Variants in EPHA6 observed in about 807,000 individuals in gnomAD.
EPHA6 encodes EPH receptor A6.
Under a neutral mutation model 112.0 loss-of-function variants are expected in EPHA6, and 50 were observed. That is an observed-to-expected ratio of 0.45 (90% CI 0.36 to 0.56). EPHA6 has a LOEUF of 0.56. Ranked by LOEUF, EPHA6 falls within the 20% of genes least tolerant of loss-of-function variation. The pLI, the probability that EPHA6 is intolerant of heterozygous loss-of-function variation, is 0.00. For synonymous variants in EPHA6, 529 were observed against 490.7 expected, an observed-to-expected ratio of 1.08 and a Z score of -1.03; for missense variants, 1,280 against 1,417.4, an observed-to-expected ratio of 0.90 and a Z score of 1.56.
At chr3:96,930,821 A>G (rs1219802251) in intron 2 of EPHA6, among the ~76,000 whole-genome samples, 3 of 151,824 alleles carry the variant, frequency 2.0e-5, no homozygotes, top group Admixed American at 1.3e-4. Flanking sequence ...GTGAAAACCC[A>G]TCTCTACTAA....
intron 11 of EPHA6, among the ~76,000 whole-genome samples, chr3:97,545,322 A>G (rs577485975): frequency 5.3e-4 from 81 of 151,926 alleles, no homozygotes; most frequent in African/African-American, 1.9e-3. Flanking sequence ...TTCATTATTT[A>G]CCCAGTAGGT....
intron 1 of EPHA6, among the ~76,000 whole-genome samples, chr3:96,833,077 G>A (rs112373641): frequency 6.6e-6 from 1 of 151,296 alleles, no homozygotes; most frequent in African/African-American, 2.4e-5. Context: ...CTCAAAATTC[G>A]TATGTTGAAG....
chr3:97,185,315 G>A (rs377498976), intron 3 of EPHA6, among the ~76,000 whole-genome samples: 24 of 152,018 alleles, frequency 1.6e-4, no homozygotes, highest in Middle Eastern at 3.4e-3. Flanking sequence ...CAATGTACTC[G>A]TCTGACAAAG....
intron 5 of EPHA6, among the ~76,000 whole-genome samples, chr3:97,289,528 G>A (rs2108682527): frequency 6.6e-6 from 1 of 152,176 alleles, no homozygotes; most frequent in Non-Finnish European, 1.5e-5. Context: ...TTCTGGCTTT[G>A]TTCTTTTTGC....
At chr3:97,230,528 G>A (rs2078492829) in intron 4 of EPHA6, among the ~76,000 whole-genome samples, 1 of 152,098 alleles carries the variant, frequency 6.6e-6, no homozygotes, top group Non-Finnish European at 1.5e-5. Flanking sequence ...ATTCTGTCAT[G>A]GCTGGGCAGA....
chr3:97,555,393 T>A (rs888238438), intron 11 of EPHA6, among the ~76,000 whole-genome samples: 43 of 152,084 alleles, frequency 2.8e-4, no homozygotes, highest in Non-Finnish European at 5.9e-4. Flanking sequence ...TAAACATACG[T>A]GTGCATGTGT....
At chr3:97,534,710 A>T (rs1276525266) in intron 11 of EPHA6, among the ~76,000 whole-genome samples, 1 of 152,090 alleles carries the variant, frequency 6.6e-6, no homozygotes, top group Non-Finnish European at 1.5e-5. Flanking sequence ...GAGAGACAGA[A>T]GAAATAGATG....
intron 2 of EPHA6, among the ~76,000 whole-genome samples, chr3:96,950,866 T>G (rs1384140352): frequency 6.6e-6 from 1 of 152,114 alleles, no homozygotes; most frequent in African/African-American, 2.4e-5. Flanking sequence ...AACATTTAAA[T>G]GTTTTTTATT....
At chr3:96,913,921 A>G (rs1462154943) in intron 2 of EPHA6, among the ~76,000 whole-genome samples, 3 of 152,170 alleles carry the variant, frequency 2.0e-5, no homozygotes, top group African/African-American at 4.8e-5. Context: ...AACCTAAGGA[A>G]GATAAGTGAT....
At chr3:96,866,159 G>A (rs2036298295) in intron 1 of EPHA6, among the ~76,000 whole-genome samples, 1 of 152,072 alleles carries the variant, frequency 6.6e-6, no homozygotes, top group African/African-American at 2.4e-5. Context: ...TTGCTAAGAT[G>A]TTAATATAAT....
intron 14 of EPHA6, among the ~76,000 whole-genome samples, chr3:97,698,805 G>C (rs553531282): frequency 2.6e-5 from 4 of 152,264 alleles, no homozygotes; most frequent in Admixed American, 2.6e-4. Context: ...TTAACCATAA[G>C]TAAACTGAGT....
intron 3 of EPHA6, among the ~76,000 whole-genome samples, chr3:97,166,817 C>A (rs2076553609): frequency 6.6e-6 from 1 of 152,082 alleles, no homozygotes; most frequent in African/African-American, 2.4e-5. Flanking sequence ...TGCCATACTT[C>A]TAGGCTAAAG....
intron 13 of EPHA6, among the ~76,000 whole-genome samples, chr3:97,630,866 T>C (rs2093897018): frequency 6.6e-6 from 1 of 152,034 alleles, no homozygotes; most frequent in Non-Finnish European, 1.5e-5. Flanking sequence ...AAAACTTTTA[T>C]TGTGACAAAT....
At chr3:97,738,007 A>C (rs1341310172) in intron 16 of EPHA6, among the ~76,000 whole-genome samples, 1 of 152,112 alleles carries the variant, frequency 6.6e-6, no homozygotes, top group Non-Finnish European at 1.5e-5. Context: ...GTAAAATAAA[A>C]CATGAAATGT....
Position 96,987,887 on chromosome 3 carries a change from G to C in EPHA6, c.1008G>C (p.Glu336Asp), listed in dbSNP as rs776547293. The C allele has an allele frequency of 6.2e-7, 1 of 1,613,766 alleles. No homozygotes were observed. Among genetic ancestry groups the C allele is most frequent in the African/African-American group, 1.3e-5 (1 of 74,888 alleles). ...GTTCTTGTGTGAAGAGTGCTGAAGA[G>C]CGTGACACTCCTAAACTGTATTGTG... Reference protein sequence around the residue: ...VRGSCVKSAEERDTPKLYCGA... With the variant: ...VRGSCVKSAEDRDTPKLYCGA... The change falls in exon 3 of 18, where the codon GAG becomes GAC. Residue 336 changes from glutamate (E) to aspartate (D), a missense_variant. Glu to Asp is a conservative substitution (Grantham distance 45). Coordinates refer to ENST00000389672, the MANE Select transcript of EPHA6 (RefSeq NM_001080448.3).
chr3:97,727,523 C>CAG (rs1196933057), intron 15 of EPHA6, among the ~76,000 whole-genome samples: 1 of 152,028 alleles, frequency 6.6e-6, no homozygotes, highest in Non-Finnish European at 1.5e-5. Context: ...TTTTATGACT[C>CAG]AGAGATCCCA....
intron 2 of EPHA6, among the ~76,000 whole-genome samples, chr3:96,952,457 A>G (rs1431333170): frequency 6.6e-6 from 1 of 152,118 alleles, no homozygotes; most frequent in Non-Finnish European, 1.5e-5. Context: ...TTGTGAGAGT[A>G]GGTTATTATA....
At chr3:97,254,950 A>G (rs1363168881) in intron 5 of EPHA6, among the ~76,000 whole-genome samples, 1 of 152,194 alleles carries the variant, frequency 6.6e-6, no homozygotes, top group Non-Finnish European at 1.5e-5. Flanking sequence ...TCAGTAGAAC[A>G]TTCTAGTTAG....
At chr3:97,386,631 C>G (rs2086084463) in intron 5 of EPHA6, among the ~76,000 whole-genome samples, 1 of 152,160 alleles carries the variant, frequency 6.6e-6, no homozygotes, top group Non-Finnish European at 1.5e-5. Context: ...GCAGCTTTTC[C>G]AGGCACACAG....
Sources: allele counts gnomAD v4.1 joint callset (sites outside exome capture counted in the v4.1 genomes callset), GRCh38; gene constraint gnomAD v4.1.1; transcripts MANE v1.5; gene names NCBI Gene and HGNC (gene_info 2026-07-23, HGNC 2026-07-21).